The following FOCAD variants were observed in gnomAD, a reference collection of about 807,000 sequenced individuals.
FOCAD encodes the protein KIAA1797.
A neutral mutation model predicts 225.6 loss-of-function variants in FOCAD; 198 were observed. The observed-to-expected ratio is 0.88, with a 90% CI of 0.78 to 0.99. FOCAD has a LOEUF of 0.99. FOCAD is among the 50% of genes least tolerant of loss of function. The pLI is 0.00. For missense variants in FOCAD, 2,713 were observed against 2,123.6 expected (o/e 1.28, Z -5.46); for synonymous variants, 897 against 755.0 (o/e 1.19, Z -3.08).
At chr9:20,751,500 T>C (rs1828543449) in intron 5 of FOCAD, among the ~76,000 whole-genome samples, 1 of 52,348 alleles carries the variant, frequency 1.9e-5, no homozygotes, top group Non-Finnish European at 4.5e-5. Context: ...TCATTTTTTA[T>C]GGCTGCATAG....
chr9:20,718,375 C>T (rs62549794), intron 3 of FOCAD, among the ~76,000 whole-genome samples: 8,966 of 152,270 alleles, frequency 0.059, 334 homozygotes, highest in South Asian at 0.15. Context: ...GCAATGCCAG[C>T]TTACTGAGAT....
chr9:20,981,837 C>T (rs1214780447), intron 38 of FOCAD, 151 bp downstream of exon 38: 1 of 931,628 alleles, frequency 1.1e-6, no homozygotes, highest in Non-Finnish European at 1.6e-6. Flanking sequence ...GTATTTGTTT[C>T]CAAGATCTAA....
At chr9:20,747,045 G>C (rs1485693221) in intron 5 of FOCAD, among the ~76,000 whole-genome samples, 1 of 152,122 alleles carries the variant, frequency 6.6e-6, no homozygotes, top group African/African-American at 2.4e-5. Flanking sequence ...GTACTGAATA[G>C]TTATCATTTT....
chr9:20,659,828 G>T (rs552654442), intron 2 of FOCAD, among the ~76,000 whole-genome samples: 2 of 152,214 alleles, frequency 1.3e-5, no homozygotes, highest in Non-Finnish European at 2.9e-5. Flanking sequence ...TTAGGATATT[G>T]CATCAGTCTA....
chr9:20,730,976 C>T (rs1586960823), intron 4 of FOCAD, among the ~76,000 whole-genome samples: 1 of 152,322 alleles, frequency 6.6e-6, no homozygotes, highest in African/African-American at 2.4e-5. Flanking sequence ...TGGCTCACGC[C>T]TGTAATCCCA....
At chr9:20,906,230 G>A (rs1832968965) in intron 21 of FOCAD, among the ~76,000 whole-genome samples, 1 of 151,930 alleles carries the variant, frequency 6.6e-6, no homozygotes, top group African/African-American at 2.4e-5. Flanking sequence ...CAAGGCACTT[G>A]AGAATATTAA....
intron 10 of FOCAD, among the ~76,000 whole-genome samples, chr9:20,785,770 G>A (rs1375747765): frequency 2.0e-5 from 3 of 152,094 alleles, no homozygotes; most frequent in East Asian, 1.9e-4. Context: ...AGTAGATACC[G>A]AGGAGTACAA....
chr9:20,888,943 C>T (rs1185397705), intron 21 of FOCAD, among the ~76,000 whole-genome samples: 1 of 152,142 alleles, frequency 6.6e-6, no homozygotes, highest in Non-Finnish European at 1.5e-5. Context: ...TTGGGTATGT[C>T]TTTATCAGCA....
intron 16 of FOCAD, among the ~76,000 whole-genome samples, chr9:20,864,606 T>A (rs1401125844): frequency 6.6e-6 from 1 of 152,114 alleles, no homozygotes; most frequent in Non-Finnish European, 1.5e-5. Context: ...TAAGAACGTT[T>A]ATTCTATTTT....
At chr9:20,954,286 C>T (rs1837944276) in intron 35 of FOCAD, among the ~76,000 whole-genome samples, 1 of 152,156 alleles carries the variant, frequency 6.6e-6, no homozygotes, top group East Asian at 1.9e-4. Flanking sequence ...GTAGAGATGG[C>T]TTCATTAGGA....
chr9:20,974,478 C>T (rs1407117700), intron 35 of FOCAD, among the ~76,000 whole-genome samples: 1 of 106,832 alleles, frequency 9.4e-6, no homozygotes, highest in African/African-American at 3.8e-5. Flanking sequence ...CCTACTTCCC[C>T]CTTCTTTCAG....
chr9:20,723,432 G>A (rs576700684), intron 4 of FOCAD, among the ~76,000 whole-genome samples: 22 of 152,322 alleles, frequency 1.4e-4, no homozygotes, highest in African/African-American at 2.2e-4. Context: ...ATCTTGCAGC[G>A]AGCTGAAGCT....
At chr9:20,820,249 T>G in intron 12 of FOCAD, 75 bp from the exon 13 acceptor site, 1 of 1,064,000 alleles carries the variant, frequency 9.4e-7, no homozygotes. Flanking sequence ...ACAAGGGGTT[T>G]AAAAATGCTT....
In FOCAD at chr9:20,778,709, G is replaced by A. The variant is rs750263830; in HGVS notation, c.935G>A (p.Gly312Glu). ...TTTCCTGTTGAACTGGTCATAATTG[G>A]AATAGCTTTACTACTTCTACAGACT... ...EDFPVELVII[G>E]IALLLLQTPA... The change falls in exon 9 of 44, where the codon GGA becomes GAA. Residue 312 changes from glycine (G) to glutamate (E), a missense_variant. Coordinates refer to ENST00000338382, the MANE Select transcript of FOCAD (RefSeq NM_001375567.1). The A allele has an allele frequency of 1.2e-6, 2 of 1,611,884 alleles. No homozygotes were observed. Among genetic ancestry groups the A allele is most frequent in the East Asian group, 2.2e-5 (1 of 44,862 alleles).
chr9:20,735,606 C>G (rs548084859), intron 4 of FOCAD, among the ~76,000 whole-genome samples: 1 of 151,786 alleles, frequency 6.6e-6, no homozygotes, highest in Non-Finnish European at 1.5e-5. Flanking sequence ...ATCTCAAACT[C>G]CTGGGCTCAA....
chr9:20,689,304 T>G (rs2131337966), intron 1 of FOCAD, among the ~76,000 whole-genome samples: 1 of 152,156 alleles, frequency 6.6e-6, no homozygotes, highest in East Asian at 1.9e-4. Flanking sequence ...GATGAATTGC[T>G]CACCCAGATG....
chr9:20,982,438 G>C lies in FOCAD; in HGVS notation c.4720G>C (p.Val1574Leu). Residue 1574 changes from valine (V) to leucine (L), a missense_variant, in exon 39 of 44, where the codon GTT becomes CTT. Val to Leu is a conservative substitution (Grantham distance 32, BLOSUM62 1). Transcript: ENST00000338382. ...TGATGATGCCAATCGGATCGCCCAG[G>C]TTACTAAGGTAATAACATATCTTTC... Reference protein sequence around the residue: ...TDDDANRIAQVTKSNIEKAAF... With the variant: ...TDDDANRIAQLTKSNIEKAAF... 1 of 1,612,830 alleles carries C rather than the reference G, an allele frequency of 6.2e-7. No individual in the cohort carries two copies. Among genetic ancestry groups the C allele is most frequent in the South Asian group, 1.1e-5 (1 of 91,046 alleles).
At chr9:20,839,882 A>T (rs548576389) in intron 15 of FOCAD, among the ~76,000 whole-genome samples, 1 of 152,094 alleles carries the variant, frequency 6.6e-6, no homozygotes. Context: ...GCATATGATT[A>T]TCCAGCTTTC....
chr9:20,817,162 A>G (rs1310477971), intron 11 of FOCAD, among the ~76,000 whole-genome samples: 1 of 152,186 alleles, frequency 6.6e-6, no homozygotes, highest in African/African-American at 2.4e-5. Context: ...CTTATAGTAG[A>G]TATTTACCAA....
Sources: gnomAD v4.1 joint callset for allele counts (sites outside exome capture counted in the v4.1 genomes callset) on GRCh38, gnomAD v4.1.1 for gene constraint, MANE v1.5 for transcripts, NCBI Gene and HGNC (gene_info 2026-07-23, HGNC 2026-07-21) for gene names.